Variants in TAFA4 observed in about 807,000 individuals in gnomAD.
TAFA4 encodes chemokine-like protein TAFA-4.
Under a neutral mutation model 21.1 loss-of-function variants are expected in TAFA4, and 20 were observed. That is an observed-to-expected ratio of 0.95 (90% CI 0.67 to 1.38). The LOEUF (loss-of-function observed/expected upper bound fraction) is 1.38, where lower values mean the gene tolerates loss of function less well. Ranked by LOEUF, TAFA4 falls within the 40% of genes most tolerant of loss-of-function variation. TAFA4 has a pLI of 0.00. For missense variants in TAFA4, 211 were observed against 180.9 expected (o/e 1.17, Z -0.95); for synonymous variants, 71 against 67.4 (o/e 1.05, Z -0.26).
chr3:68,859,397 T>A (rs1414664928), intron 3 of TAFA4, among the ~76,000 whole-genome samples: 1 of 152,168 alleles, frequency 6.6e-6, no homozygotes, highest in Non-Finnish European at 1.5e-5. Flanking sequence ...GTCTCCTTGC[T>A]GCGAAGTTTT....
At chr3:68,893,224 T>C (rs1309304700) in intron 1 of TAFA4, among the ~76,000 whole-genome samples, 2 of 152,208 alleles carry the variant, frequency 1.3e-5, no homozygotes, top group Non-Finnish European at 2.9e-5. Flanking sequence ...GCCAAGTACT[T>C]GAATTTTATC....
chr3:68,803,594 A>G (rs1459616456), intron 3 of TAFA4, among the ~76,000 whole-genome samples: 1 of 151,860 alleles, frequency 6.6e-6, no homozygotes, highest in South Asian at 2.1e-4. Context: ...TCAAGGGTTG[A>G]TTCTCGTTCT....
At chr3:68,760,256 T>C (rs1473660547) in intron 3 of TAFA4, among the ~76,000 whole-genome samples, 1 of 152,218 alleles carries the variant, frequency 6.6e-6, no homozygotes, top group Non-Finnish European at 1.5e-5. Context: ...CTTAAATACA[T>C]ATCATTTTTT....
chr3:68,814,330 G>C (rs1445677876), intron 3 of TAFA4, among the ~76,000 whole-genome samples: 4 of 152,280 alleles, frequency 2.6e-5, no homozygotes, highest in African/African-American at 9.6e-5. Flanking sequence ...AATCAGGCAG[G>C]AGAAGGAAAT....
intron 4 of TAFA4, among the ~76,000 whole-genome samples, chr3:68,751,253 AAG>A (rs1353628022): frequency 2.0e-5 from 3 of 152,214 alleles, no homozygotes; most frequent in Non-Finnish European, 4.4e-5. Flanking sequence ...GTTTATCTTA[AAG>A]AGAGTGGGAA....
At chr3:68,845,852 T>C (rs1398093486) in intron 3 of TAFA4, among the ~76,000 whole-genome samples, 1 of 152,230 alleles carries the variant, frequency 6.6e-6, no homozygotes, top group African/African-American at 2.4e-5. Flanking sequence ...CCCCACTCTC[T>C]TCTGGATTGT....
At chr3:68,893,639 A>G (rs901370690) in intron 1 of TAFA4, among the ~76,000 whole-genome samples, 49 of 152,192 alleles carry the variant, frequency 3.2e-4, no homozygotes, top group Admixed American at 2.8e-3. Flanking sequence ...TGATTTAGCT[A>G]CTGTTAACAA....
At chr3:68,870,986 G>C (rs1371255364) in intron 3 of TAFA4, among the ~76,000 whole-genome samples, 1 of 152,068 alleles carries the variant, frequency 6.6e-6, no homozygotes, top group East Asian at 1.9e-4. Flanking sequence ...GTCTATCACT[G>C]ATGGGTATTT....
At chr3:68,898,972 C>A (rs1053146470) in intron 1 of TAFA4, among the ~76,000 whole-genome samples, 13 of 152,132 alleles carry the variant, frequency 8.5e-5, no homozygotes, top group Non-Finnish European at 1.9e-4. Flanking sequence ...CAGCCAAGAC[C>A]TTCCGAAGAC....
intron 3 of TAFA4, among the ~76,000 whole-genome samples, chr3:68,777,981 A>G (rs893604232): frequency 1.3e-5 from 2 of 152,144 alleles, no homozygotes; most frequent in Admixed American, 6.5e-5. Flanking sequence ...TTACCTAACA[A>G]TATCTTTCTT....
intron 3 of TAFA4, among the ~76,000 whole-genome samples, chr3:68,813,047 A>T (rs989139349): frequency 6.6e-6 from 1 of 152,186 alleles, no homozygotes; most frequent in African/African-American, 2.4e-5. Context: ...AACTACATGG[A>T]AACTGAACAA....
At chr3:68,829,681 A>G (rs1482813073) in intron 3 of TAFA4, among the ~76,000 whole-genome samples, 2 of 152,240 alleles carry the variant, frequency 1.3e-5, no homozygotes, top group Admixed American at 1.3e-4. Flanking sequence ...AGGCTTTGGT[A>G]TCAGGATGAT....
rs1705033943 is a variant in TAFA4, at chr3:68,855,026, G to C, written c.130+25704C>G. Among the ~76,000 whole-genome samples, 2 of 152,142 alleles carry C rather than the reference G, an allele frequency of 1.3e-5. 1 individual carries two copies. Among genetic ancestry groups the C allele is most frequent in the South Asian group, 4.1e-4 (2 of 4,824 alleles). On this transcript the variant is annotated intron_variant, in intron 3 of 5. Transcript: ENST00000295569. ...AGAGTAAAAATCATAATAGGGGACA[G>C]TGGAACTCTTAGGGGCCAGAACAAT...
intron 3 of TAFA4, among the ~76,000 whole-genome samples, chr3:68,846,639 TC>T (rs1283214334): frequency 6.6e-6 from 1 of 152,200 alleles, no homozygotes; most frequent in Non-Finnish European, 1.5e-5. Flanking sequence ...ACTGGTTTTT[TC>T]CTCATCTTCG....
intron 3 of TAFA4, among the ~76,000 whole-genome samples, chr3:68,756,381 A>T (rs1702660108): frequency 1.3e-5 from 2 of 152,358 alleles, no homozygotes; most frequent in South Asian, 2.1e-4. Flanking sequence ...TGTTGTGTGA[A>T]TTGTAAGCAA....
chr3:68,889,944 T>A (rs1213796552), intron 1 of TAFA4, among the ~76,000 whole-genome samples: 2 of 152,136 alleles, frequency 1.3e-5, no homozygotes, highest in Non-Finnish European at 2.9e-5. Flanking sequence ...TACGTAGCCA[T>A]AAAGGACATT....
At chr3:68,740,919 G>A (rs549977880) in intron 4 of TAFA4, among the ~76,000 whole-genome samples, 1 of 152,250 alleles carries the variant, frequency 6.6e-6, no homozygotes, top group South Asian at 2.1e-4. Context: ...TCCCCATTGT[G>A]TAGTCTTGTC....
chr3:68,916,986 T>C (rs1354427576), intron 1 of TAFA4, among the ~76,000 whole-genome samples: 1 of 152,198 alleles, frequency 6.6e-6, no homozygotes, highest in Admixed American at 6.5e-5. Context: ...TGTGTCTTAC[T>C]AGAAATCAGG....
intron 2 of TAFA4, 129 bp from the exon 3 acceptor site, chr3:68,880,974 A>T (rs981778037): frequency 1.4e-5 from 9 of 658,494 alleles, no homozygotes; most frequent in Non-Finnish European, 2.1e-5. Context: ...CTCCCAAGAA[A>T]ACAGAAGACC....
Sources: allele counts gnomAD v4.1 joint callset (sites outside exome capture counted in the v4.1 genomes callset), GRCh38; gene constraint gnomAD v4.1.1; transcripts MANE v1.5; gene names NCBI Gene and HGNC (gene_info 2026-07-23, HGNC 2026-07-21).